The following ANXA11 variants were observed in gnomAD, a reference collection of about 807,000 sequenced individuals.
ANXA11 encodes the protein annexin A11, also known as 56 kDa autoantigen.
ANXA11 carries 57 observed loss-of-function variants against 64.7 expected under a neutral mutation model. The ratio of observed to expected loss-of-function variants is 0.88; its 90% CI spans 0.71 to 1.10. The LOEUF is 1.10. Among genes scored for constraint, ANXA11 ranks in the 50% least tolerant of loss-of-function variants. ANXA11 has a pLI of 0.00. For missense variants in ANXA11, 675 were observed against 670.7 expected, an observed-to-expected ratio of 1.01 and a Z score of -0.07; for synonymous variants, 260 against 265.2, an observed-to-expected ratio of 0.98 and a Z score of 0.19.
At chr10:80,201,941 C>T (rs1840443463) in intron 1 of ANXA11, among the ~76,000 whole-genome samples, 1 of 152,148 alleles carries the variant, frequency 6.6e-6, no homozygotes, top group Non-Finnish European at 1.5e-5. Flanking sequence ...GCAGGGGACA[C>T]CTGACTTCCT....
At chr10:80,202,657 G>T (rs1840482794) in intron 1 of ANXA11, among the ~76,000 whole-genome samples, 1 of 152,152 alleles carries the variant, frequency 6.6e-6, no homozygotes, top group Non-Finnish European at 1.5e-5. Context: ...CTACTTCCTT[G>T]GCAGTGCTGG....
intron 1 of ANXA11, among the ~76,000 whole-genome samples, chr10:80,185,030 T>C (rs1846489638): frequency 6.6e-6 from 1 of 152,190 alleles, no homozygotes. Context: ...AAATAGGATG[T>C]ATTTGGCCTG....
intron 7 of ANXA11, chr10:80,166,640 G>A (rs942385472): frequency 1.5e-5 from 8 of 548,684 alleles, no homozygotes; most frequent in Non-Finnish European, 2.6e-5. Context: ...CACAACCTCA[G>A]TGAGATGTGG....
intron 1 of ANXA11, among the ~76,000 whole-genome samples, chr10:80,197,923 C>T (rs76988610): frequency 7.0e-6 from 1 of 142,240 alleles, no homozygotes; most frequent in Admixed American, 6.9e-5. Flanking sequence ...GACTCCGTCT[C>T]AAAAAAAAAA....
Position 80,155,915 on chromosome 10 carries a change from G to A in ANXA11, c.1459-3C>T, listed in dbSNP as rs951314626. The A allele has an allele frequency of 6.2e-7, 1 of 1,613,930 alleles. No homozygotes were observed. The highest frequency in any genetic ancestry group is 1.3e-5 in the African/African-American group (1 of 75,040). Reference sequence around the variant, plus strand: ...CGGTAATCCCCTGAAGTATCTCCCTGGCCACAGAAACAAGGAAGACATCCG... The same window carrying A: ...CGGTAATCCCCTGAAGTATCTCCCTAGCCACAGAAACAAGGAAGACATCCG... On this transcript the variant is annotated splice_polypyrimidine_tract_variant and splice_region_variant and intron_variant, in intron 15 of 15. Coordinates refer to ENST00000422982, the MANE Select transcript of ANXA11 (RefSeq NM_145868.2).
chr10:80,193,419 TG>T (rs2132487447), intron 1 of ANXA11, among the ~76,000 whole-genome samples: 1 of 152,274 alleles, frequency 6.6e-6, no homozygotes, highest in East Asian at 1.9e-4. Context: ...ATAAGCCTTT[TG>T]GATCAACATA....
rs573812698 is a variant in ANXA11 at position 80,152,095 on chromosome 10, T to A, written c.*3758A>T. On this transcript the variant is annotated 3_prime_UTR_variant, in exon 16 of 16. Coordinates refer to ENST00000422982, the MANE Select transcript of ANXA11 (RefSeq NM_145868.2). ...TCAGGTGCAAAACTATTTAATAGTG[T>A]TTCCTCCAGCGCCCCCACAGCTGCT... 3.3e-5 allele frequency: 5 copies of A among 152,274 alleles called. No homozygotes were observed. Among genetic ancestry groups the A allele is most frequent in the Admixed American group, 2.0e-4 (3 of 15,296 alleles). 9.4% of individuals were successfully genotyped at this position (152,274 alleles called of 1,614,324 possible).
intron 8 of ANXA11, 35 bp downstream of exon 8, chr10:80,166,049 C>T (rs1845717817): frequency 2.4e-6 from 1 of 422,534 alleles, no homozygotes; most frequent in Non-Finnish European, 3.5e-6. Context: ...CGCGCACACA[C>T]ACACACACAC....
In ANXA11 at chr10:80,164,223, C is replaced by T. The variant is rs539573876; in HGVS notation, c.859-80G>A. The T allele has an allele frequency of 6.0e-5, 68 of 1,140,658 alleles. 1 individual carries two copies. Among genetic ancestry groups the T allele is most frequent in the South Asian group, 7.9e-5 (6 of 76,006 alleles). The allele number at this position is 1,140,658 out of a possible 1,614,324, so 70.7% of individuals were successfully genotyped here. On this transcript the variant is annotated intron_variant, in intron 8 of 15. Coordinates refer to ENST00000422982, the MANE Select transcript of ANXA11 (RefSeq NM_145868.2). Reference sequence around the variant, plus strand: ...CACTCGGGAAGAAGGGTGGGGGCTACGCTGCTGCCTTAATCCCAGCAACAG... The same window carrying T: ...CACTCGGGAAGAAGGGTGGGGGCTATGCTGCTGCCTTAATCCCAGCAACAG...
chr10:80,160,096 G>A (rs1228611285), intron 12 of ANXA11, among the ~76,000 whole-genome samples: 1 of 152,210 alleles, frequency 6.6e-6, no homozygotes, highest in Non-Finnish European at 1.5e-5. Context: ...TCCCCAGCCT[G>A]AGTCTCAGCT....
At chr10:80,200,649 T>C (rs1840380121) in intron 1 of ANXA11, among the ~76,000 whole-genome samples, 2 of 152,194 alleles carry the variant, frequency 1.3e-5, no homozygotes, top group African/African-American at 4.8e-5. Flanking sequence ...AAGAGATCTA[T>C]CTAAAGTCAG....
intron 1 of ANXA11, among the ~76,000 whole-genome samples, chr10:80,186,577 T>A (rs1294016638): frequency 6.6e-6 from 1 of 151,700 alleles, no homozygotes; most frequent in African/African-American, 2.4e-5. Context: ...CCTCGGAGAG[T>A]AAACCTGCCT....
chr10:80,192,694 C>T (rs1589449526), intron 1 of ANXA11, among the ~76,000 whole-genome samples: 1 of 152,178 alleles, frequency 6.6e-6, no homozygotes, highest in Admixed American at 6.5e-5. Context: ...TGGACTTCAA[C>T]AGCCACACTA....
At chr10:80,195,465 C>T (rs1283144327) in intron 1 of ANXA11, among the ~76,000 whole-genome samples, 1 of 152,170 alleles carries the variant, frequency 6.6e-6, no homozygotes, top group Non-Finnish European at 1.5e-5. Context: ...CACTGAGGAA[C>T]AGCATGAAAA....
intron 1 of ANXA11, among the ~76,000 whole-genome samples, chr10:80,196,957 G>C (rs1840198864): frequency 6.6e-6 from 1 of 152,222 alleles, no homozygotes; most frequent in Admixed American, 6.5e-5. Context: ...CTGAACTTGA[G>C]CAAGCAGGTT....
chr10:80,155,995 C>G, intron 15 of ANXA11, 83 bp from the exon 16 acceptor site: 2 of 1,411,256 alleles, frequency 1.4e-6, no homozygotes, highest in Non-Finnish European at 2.0e-6. Context: ...CAGCCCTGAG[C>G]ACCCTTATAG....
chr10:80,171,186 G>A, intron 3 of ANXA11: 1 of 1,307,472 alleles, frequency 7.6e-7, no homozygotes, highest in East Asian at 3.6e-5. Flanking sequence ...AAGGAGGCTG[G>A]GAGAGCCCAG....
intron 13 of ANXA11, 100 bp from the exon 14 acceptor site, chr10:80,158,125 A>T: frequency 9.7e-7 from 1 of 1,035,912 alleles, no homozygotes; most frequent in East Asian, 2.4e-5. Context: ...CAGATGTCAA[A>T]CCCATCACTG....
At chr10:80,174,205 T>C (rs1638864068) in intron 2 of ANXA11, among the ~76,000 whole-genome samples, 1 of 152,032 alleles carries the variant, frequency 6.6e-6, no homozygotes, top group Non-Finnish European at 1.5e-5. Context: ...CACACACAGC[T>C]AATTTTTTTT....
Sources: allele counts gnomAD v4.1 joint callset (sites outside exome capture counted in the v4.1 genomes callset), GRCh38; gene constraint gnomAD v4.1.1; transcripts MANE v1.5; gene names NCBI Gene and HGNC (gene_info 2026-07-23, HGNC 2026-07-21).